GLP1R: variants seen among roughly 807,000 people sequenced by gnomAD.
GLP1R encodes glucagon-like peptide 1 receptor.
A neutral mutation model predicts 68.4 loss-of-function variants in GLP1R; 32 were observed. The observed-to-expected ratio is 0.47, with a 90% CI of 0.35 to 0.63. The LOEUF is 0.63. Ranked by LOEUF, GLP1R falls within the 20% of genes least tolerant of loss-of-function variation. The pLI, the probability that GLP1R is intolerant of heterozygous loss-of-function variation, is 0.00. For synonymous variants in GLP1R, 263 were observed against 244.4 expected, an observed-to-expected ratio of 1.08 and a Z score of -0.71; for missense variants, 502 against 594.9, an observed-to-expected ratio of 0.84 and a Z score of 1.62.
At chr6:39,071,250 G>A (rs1270437358) in intron 5 of GLP1R, among the ~76,000 whole-genome samples, 19 of 151,114 alleles carry the variant, frequency 1.3e-4, no homozygotes, top group Admixed American at 1.3e-3. Context: ...GGAGGCTGAG[G>A]CGGGAGAATC....
Position 39,079,545 on chromosome 6 carries a change from T to C in GLP1R, c.1044-19T>C. ...GGGAGAGGTCCAGAATGACTCGAGA[T>C]CTCTGCCCTGCCCCTCAGACTTGCC... On this transcript the variant is annotated intron_variant, in intron 10 of 12. Coordinates refer to ENST00000373256, the MANE Select transcript of GLP1R (RefSeq NM_002062.5). This position sits in a 1 kb window ranked among gnomAD's most constrained non-coding sequence, Gnocchi z 4.5. 1 of 1,574,690 alleles carries C rather than the reference T, an allele frequency of 6.4e-7. No individual in the cohort carries two copies. Among genetic ancestry groups the C allele is most frequent in the Non-Finnish European group, 8.6e-7 (1 of 1,163,362 alleles).
rs1583659637 is a variant in GLP1R at position 39,090,175 on chromosome 6, A to G, written c.*4102A>G. On this transcript the variant is annotated 3_prime_UTR_variant, in exon 13 of 13. Coordinates refer to ENST00000373256, the MANE Select transcript of GLP1R (RefSeq NM_002062.5). ...TCTGCAGAGGGCCGAGACAGGAAGCATTATTAAGCAGTATAATTTCAAACA... is the reference window on the plus strand; with the variant it reads ...TCTGCAGAGGGCCGAGACAGGAAGCGTTATTAAGCAGTATAATTTCAAACA... Among the ~76,000 whole-genome samples, 1 of 152,316 alleles carries G rather than the reference A, an allele frequency of 6.6e-6. No individual in the cohort carries two copies. Among genetic ancestry groups the G allele is most frequent in the East Asian group, 1.9e-4 (1 of 5,178 alleles).
chr6:39,057,267 A>C (rs10305443), intron 2 of GLP1R, among the ~76,000 whole-genome samples: 1 of 152,186 alleles, frequency 6.6e-6, no homozygotes, highest in Admixed American at 6.5e-5. Flanking sequence ...ACATTAAGTT[A>C]CTTGCTCAAG....
At chr6:39,058,518 G>T (rs752330291) in intron 3 of GLP1R, among the ~76,000 whole-genome samples, 1 of 152,102 alleles carries the variant, frequency 6.6e-6, no homozygotes, top group African/African-American at 2.4e-5. Flanking sequence ...AATGTGCCCC[G>T]CTATCTATCC....
At position 39,073,756 on chromosome 6, in the gene GLP1R, G is replaced by A; in HGVS notation, c.810G>A (p.Val270=). The part of the protein sequence containing the change: ...LSEQWIFRLY[V]SIGWGVPLLF... ...AGCAATGGATCTTCAGGCTCTACGTGAGCATAGGCTGGGGTAAGAACCGCC... is the reference window on the plus strand; with the variant it reads ...AGCAATGGATCTTCAGGCTCTACGTAAGCATAGGCTGGGGTAAGAACCGCC... Residue 270 remains valine, a synonymous_variant, in exon 7 of 13, where the codon GTG becomes GTA. Transcript: ENST00000373256. 6.2e-7 allele frequency: 1 copy of A among 1,613,954 alleles called. No homozygotes were observed. The highest frequency in any genetic ancestry group is 8.5e-7 in the Non-Finnish European group (1 of 1,179,946).
In GLP1R at chr6:39,088,457, A is replaced by T. The variant is rs537289703; in HGVS notation, c.*2384A>T. Reference sequence around the variant, plus strand: ...CTGATGCCTAATGCCATACGCCTGGAACTTGCTGAGAACTCTCGGCTGCCT... The same window carrying T: ...CTGATGCCTAATGCCATACGCCTGGTACTTGCTGAGAACTCTCGGCTGCCT... On this transcript the variant is annotated 3_prime_UTR_variant, in exon 13 of 13. Coordinates refer to ENST00000373256, the MANE Select transcript of GLP1R (RefSeq NM_002062.5). Among the ~76,000 whole-genome samples, 6 of 152,248 alleles carry T rather than the reference A, an allele frequency of 3.9e-5. No individual in the cohort carries two copies. Among genetic ancestry groups the T allele is most frequent in the African/African-American group, 1.4e-4 (6 of 41,558 alleles).
In GLP1R at chr6:39,079,475, C is replaced by A; in HGVS notation, c.1044-89C>A. On this transcript the variant is annotated intron_variant, in intron 10 of 12. Transcript: ENST00000373256. This position sits in a 1 kb window ranked among gnomAD's most constrained non-coding sequence, Gnocchi z 4.5. Reference sequence around the variant, plus strand: ...AACATCCATGACCCAGATATCAGGACTTGGTAGGAAGTGGGGAGGGTAGAG... The same window carrying A: ...AACATCCATGACCCAGATATCAGGAATTGGTAGGAAGTGGGGAGGGTAGAG... 7.7e-7 allele frequency: 1 copy of A among 1,304,918 alleles called. No homozygotes were observed. Among genetic ancestry groups the A allele is most frequent in the Non-Finnish European group, 1.1e-6 (1 of 943,890 alleles). The allele number at this position is 1,304,918 out of a possible 1,614,324, so 80.8% of individuals were successfully genotyped here. A position where few individuals can be genotyped will look rare whatever the true frequency, so the allele number is the denominator to read the frequency against.
intron 3 of GLP1R, among the ~76,000 whole-genome samples, chr6:39,059,636 C>G (rs941797510): frequency 1.3e-5 from 2 of 152,152 alleles, no homozygotes; most frequent in African/African-American, 4.8e-5. Context: ...GTCGGGAGGA[C>G]CACAGGGCCT....
At chr6:39,053,885 C>A (rs1768147800) in intron 1 of GLP1R, among the ~76,000 whole-genome samples, 1 of 152,126 alleles carries the variant, frequency 6.6e-6, no homozygotes, top group South Asian at 2.1e-4. Context: ...GGGCCCACCA[C>A]CACTCTCTCC....
chr6:39,065,639 A>ATT, intron 3 of GLP1R, 72 bp from the exon 4 acceptor site: 1 of 864,124 alleles, frequency 1.2e-6, no homozygotes, highest in Non-Finnish European at 1.9e-6. Flanking sequence ...ATGGGGAGGA[A>ATT]GGGGAGCATC....
intron 11 of GLP1R, 29 bp from the exon 12 acceptor site, chr6:39,080,669 C>G: frequency 1.3e-6 from 2 of 1,556,904 alleles, no homozygotes; most frequent in East Asian, 4.7e-5. Context: ...CTCCTGCTTC[C>G]TCCCTCTTGA....
At chr6:39,050,070 T>A (rs1389661396) in intron 1 of GLP1R, among the ~76,000 whole-genome samples, 1 of 152,146 alleles carries the variant, frequency 6.6e-6, no homozygotes, top group Admixed American at 6.5e-5. Flanking sequence ...TCAGCTAAGA[T>A]GCCAGCACAT....
intron 12 of GLP1R, 49 bp from the exon 13 acceptor site, chr6:39,085,857 G>A: frequency 1.9e-6 from 3 of 1,576,766 alleles, no homozygotes; most frequent in Non-Finnish European, 1.7e-6. Context: ...CATTTTGTTA[G>A]CCATTGGTTT....
At chr6:39,061,152 T>C (rs1768347779) in intron 3 of GLP1R, among the ~76,000 whole-genome samples, 1 of 152,188 alleles carries the variant, frequency 6.6e-6, no homozygotes, top group Admixed American at 6.5e-5. Context: ...GCCAAGCCCT[T>C]GAATTCTGAC....
Position 39,089,979 on chromosome 6 carries a change from C to T in GLP1R, c.*3906C>T, listed in dbSNP as rs1385877398. 6.6e-6 allele frequency among the ~76,000 whole-genome samples: 1 copy of T among 152,194 alleles called. No individual in the cohort carries two copies. Among genetic ancestry groups the T allele is most frequent in the Non-Finnish European group, 1.5e-5 (1 of 68,034 alleles). ...TCTGCAAAGACACCTGTGTGAATGACGTGCTAAACATTCAGCAGAAACCAA... is the reference window on the plus strand; with the variant it reads ...TCTGCAAAGACACCTGTGTGAATGATGTGCTAAACATTCAGCAGAAACCAA... On this transcript the variant is annotated 3_prime_UTR_variant, in exon 13 of 13. Transcript: ENST00000373256. The surrounding 1 kb of genome is among the most constrained non-coding windows in gnomAD (Gnocchi z 4.1).
chr6:39,077,129 A>C lies in GLP1R; in HGVS notation c.824-1193A>C, dbSNP rs181711011. 5.5e-4 allele frequency among the ~76,000 whole-genome samples: 84 copies of C among 152,326 alleles called. 1 individual carries two copies. Among genetic ancestry groups the C allele is most frequent in the Admixed American group, 5.0e-3 (76 of 15,310 alleles). Reference sequence around the variant, plus strand: ...TTCCTGTGGCCTGCAATCTCGGTTCAACTTAGCTGGGTACCTTGTGGCTCA... The same window carrying C: ...TTCCTGTGGCCTGCAATCTCGGTTCCACTTAGCTGGGTACCTTGTGGCTCA... On this transcript the variant is annotated intron_variant, in intron 7 of 12. Coordinates refer to ENST00000373256, the MANE Select transcript of GLP1R (RefSeq NM_002062.5).
intron 1 of GLP1R, among the ~76,000 whole-genome samples, chr6:39,050,697 C>T (rs1390692435): frequency 6.6e-6 from 1 of 152,178 alleles, no homozygotes; most frequent in Non-Finnish European, 1.5e-5. Flanking sequence ...GACACAACAT[C>T]ATGCGTGCTT....
chr6:39,055,952 C>T (rs1286931439), intron 1 of GLP1R, among the ~76,000 whole-genome samples: 1 of 152,194 alleles, frequency 6.6e-6, no homozygotes, highest in African/African-American at 2.4e-5. Flanking sequence ...CTCTCCCACT[C>T]TGGCCTGTGT....
In GLP1R at chr6:39,049,671, A is replaced by C. The variant is rs1455469532; in HGVS notation, c.78+753A>C. Among the ~76,000 whole-genome samples the C allele has an allele frequency of 6.6e-6, 1 of 152,156 alleles. No individual in the cohort carries two copies. The highest frequency in any genetic ancestry group is 1.5e-5 in the Non-Finnish European group (1 of 68,030). ...CTGACAGCAGGCCCCAAGAGAAGGC[A>C]TACTGGGACACGCAAGAACACCTGG... On this transcript the variant is annotated intron_variant, in intron 1 of 12. Coordinates refer to ENST00000373256, the MANE Select transcript of GLP1R (RefSeq NM_002062.5). This position sits in a 1 kb window ranked among gnomAD's most constrained non-coding sequence, Gnocchi z 4.5.
Sources: allele counts gnomAD v4.1 joint callset (sites outside exome capture counted in the v4.1 genomes callset), GRCh38; gene constraint gnomAD v4.1.1; non-coding constraint Gnocchi (gnomAD v3.1); transcripts MANE v1.5; gene names NCBI Gene and HGNC (gene_info 2026-07-23, HGNC 2026-07-21).